The following ZFP30 variants were observed in gnomAD, a reference collection of about 807,000 sequenced individuals.
The protein encoded by ZFP30 is ZFP30 zinc finger protein.
Under a neutral mutation model 12.3 loss-of-function variants are expected in ZFP30, and 16 were observed. That is an observed-to-expected ratio of 1.30 (90% confidence interval 0.88 to 1.98). The LOEUF is 1.98. Among genes scored for constraint, ZFP30 ranks in the 30% most tolerant of loss-of-function variants. ZFP30 has a pLI of 0.00. For synonymous variants in ZFP30, 172 were observed against 201.0 expected (o/e 0.86, Z 1.22); for missense variants, 560 against 611.2 (o/e 0.92, Z 0.88).
At chr19:37,641,371 T>C (rs952334792) in intron 5 of ZFP30, among the ~76,000 whole-genome samples, 2 of 152,194 alleles carry the variant, frequency 1.3e-5, no homozygotes, top group Non-Finnish European at 1.5e-5. Flanking sequence ...CAAAGAATAG[T>C]TTAACCTTAT....
rs1003178458 is a variant in ZFP30, at chr19:37,631,223, A to G, written c.*3758T>C. ...CTGTTAAAATGGGTTCATATCCCAT[A>G]CTCACAAGCATTAAGAGTGAAAGTT... On this transcript the variant is annotated 3_prime_UTR_variant, in exon 6 of 6. Coordinates refer to ENST00000684514, the MANE Select transcript of ZFP30 (RefSeq NM_001320669.3). The G allele has an allele frequency of 6.6e-6, 1 of 152,328 alleles. No individual in the cohort carries two copies. The highest frequency in any genetic ancestry group is 1.9e-4 in the East Asian group (1 of 5,188). The allele number at this position is 152,328 out of a possible 1,614,324, so 9.4% of individuals were successfully genotyped here. A position where few individuals can be genotyped will look rare whatever the true frequency, so the allele number is the denominator to read the frequency against.
chr19:37,637,007 G>A lies in ZFP30; in HGVS notation c.236-702C>T, dbSNP rs528036707. On this transcript the variant is annotated intron_variant, in intron 5 of 5. Transcript: ENST00000684514. ...ATTACAGGCGTGAGCCACCACATCC[G>A]ACCCAATCTTTCCACTTTTTGGAGC... Among the ~76,000 whole-genome samples, 125 of 151,836 alleles carry A rather than the reference G, an allele frequency of 8.2e-4. 1 individual carries two copies. Among genetic ancestry groups the A allele is most frequent in the African/African-American group, 2.4e-3 (101 of 41,418 alleles).
At position 37,644,670 on chromosome 19, in the gene ZFP30, A is replaced by G; in HGVS notation, c.76T>C (p.Tyr26His). 6.2e-7 allele frequency: 1 copy of G among 1,613,466 alleles called. No homozygotes were observed. Among genetic ancestry groups the G allele is most frequent in the Admixed American group, 1.7e-5 (1 of 59,940 alleles). Residue 26 changes from tyrosine to histidine, a missense_variant, in exon 4 of 6, where the codon TAT becomes CAT. Tyr to His is a moderately conservative substitution (Grantham distance 83). Transcript: ENST00000684514. Reference sequence around the variant, plus strand: ...ACATCTCTGTACAAATTCCTCTGATATGAGTTCAGGCATTCCCATTCTTCC... The same window carrying G: ...ACATCTCTGTACAAATTCCTCTGATGTGAGTTCAGGCATTCCCATTCTTCC... Reference protein sequence around the residue: ...SQEEWECLNSYQRNLYRDVIL... With the variant: ...SQEEWECLNSHQRNLYRDVIL...
chr19:37,653,980 A>G (rs1307880169), intron 2 of ZFP30, among the ~76,000 whole-genome samples: 2 of 152,168 alleles, frequency 1.3e-5, no homozygotes, highest in African/African-American at 2.4e-5. Flanking sequence ...GAAATACACA[A>G]AGCTGATAGG....
intron 5 of ZFP30, among the ~76,000 whole-genome samples, chr19:37,637,911 T>G (rs760317939): frequency 6.6e-6 from 1 of 152,238 alleles, no homozygotes; most frequent in Non-Finnish European, 1.5e-5. Context: ...CACTCACCAG[T>G]GAATAGCAAA....
chr19:37,654,444 T>C (rs1377456634), intron 2 of ZFP30, among the ~76,000 whole-genome samples: 1 of 152,198 alleles, frequency 6.6e-6, no homozygotes, highest in Non-Finnish European at 1.5e-5. Context: ...AGCACGGGTA[T>C]TTCCATATCA....
Position 37,655,423 on chromosome 19 carries a change from A to C in ZFP30, c.-249T>G, listed in dbSNP as rs2044737854. 1 of 152,428 alleles carries C rather than the reference A, an allele frequency of 6.6e-6. No individual in the cohort carries two copies. The highest frequency in any genetic ancestry group is 1.9e-4 in the East Asian group (1 of 5,192). The allele number at this position is 152,428 out of a possible 1,614,324, so 9.4% of individuals were successfully genotyped here. ...CGGCTCCCAGCCCCAGCCTCACCCG[A>C]CTCAGAGGATAGCCCAGCCCTGGGA... On this transcript the variant is annotated 5_prime_UTR_variant, in exon 1 of 6. Coordinates refer to ENST00000684514, the MANE Select transcript of ZFP30 (RefSeq NM_001320669.3).
intron 2 of ZFP30, among the ~76,000 whole-genome samples, chr19:37,654,096 T>C (rs2044705473): frequency 6.6e-6 from 1 of 152,208 alleles, no homozygotes; most frequent in South Asian, 2.1e-4. Flanking sequence ...ATTCATGTAA[T>C]CTTCAAAACA....
At chr19:37,652,622 A>G (rs973862360) in intron 2 of ZFP30, among the ~76,000 whole-genome samples, 2 of 152,150 alleles carry the variant, frequency 1.3e-5, no homozygotes, top group African/African-American at 2.4e-5. Context: ...GACTTGTAGA[A>G]ATATTTTGGG....
chr19:37,643,270 G>T lies in ZFP30; in HGVS notation c.230C>A (p.Thr77Asn). The change falls in exon 5 of 6, where the codon ACT (threonine) becomes AAT (asparagine). Residue 77 changes from threonine to asparagine, a missense_variant. Transcript: ENST00000684514. ...TCTGCCTGATCAGCACTTACCTAGAGTCCATCTTCTTTTCTCATCCCTCAC... is the reference window on the plus strand; with the variant it reads ...TCTGCCTGATCAGCACTTACCTAGATTCCATCTTCTTTTCTCATCCCTCAC... ...MVVRDEKRRW[T>N]LDLESRYDTK... The T allele has an allele frequency of 1.2e-6, 2 of 1,611,184 alleles. No homozygotes were observed. Among genetic ancestry groups the T allele is most frequent in the Non-Finnish European group, 1.7e-6 (2 of 1,178,900 alleles).
intron 4 of ZFP30, 57 bp downstream of exon 4, chr19:37,644,553 C>A: frequency 1.8e-6 from 2 of 1,087,914 alleles, no homozygotes; most frequent in South Asian, 2.0e-5. Flanking sequence ...CAAAGACAGC[C>A]CAGAAATTCA....
At chr19:37,638,840 G>T (rs2044380388) in intron 5 of ZFP30, among the ~76,000 whole-genome samples, 1 of 152,152 alleles carries the variant, frequency 6.6e-6, no homozygotes, top group South Asian at 2.1e-4. Flanking sequence ...ATGACCGAAA[G>T]AAGTCAAGAG....
At chr19:37,640,839 C>T (rs1024231554) in intron 5 of ZFP30, among the ~76,000 whole-genome samples, 21 of 151,966 alleles carry the variant, frequency 1.4e-4, no homozygotes, top group Admixed American at 5.2e-4. Flanking sequence ...TAATGTCTCC[C>T]CCACCCCTTT....
At chr19:37,649,532 C>G (rs1402262244) in intron 2 of ZFP30, among the ~76,000 whole-genome samples, 2 of 152,186 alleles carry the variant, frequency 1.3e-5, no homozygotes, top group South Asian at 2.1e-4. Flanking sequence ...TGCATTCACA[C>G]AATGGAAAAT....
intron 3 of ZFP30, among the ~76,000 whole-genome samples, 197 bp from the exon 4 acceptor site, chr19:37,644,933 G>A (rs537683467): frequency 6.6e-5 from 10 of 152,106 alleles, no homozygotes; most frequent in East Asian, 3.9e-4. Flanking sequence ...AAAGGCCGGC[G>A]CGGTGGCTCA....
In ZFP30 at chr19:37,643,381, G is replaced by T; in HGVS notation, c.137-18C>A. 2.0e-6 allele frequency: 3 copies of T among 1,501,704 alleles called. No homozygotes were observed. Among genetic ancestry groups the T allele is most frequent in the Non-Finnish European group, 2.7e-6 (3 of 1,119,278 alleles). The allele number at this position is 1,501,704 out of a possible 1,614,324, so 93.0% of individuals were successfully genotyped here. A position where few individuals can be genotyped will look rare whatever the true frequency, so the allele number is the denominator to read the frequency against. On this transcript the variant is annotated intron_variant, in intron 4 of 5. Transcript: ENST00000684514. ...ACATCCTGCTTAAAAATAAATAATA[G>T]AATATAATAAAGAATTTATTTAAGG...
At chr19:37,648,961 G>A (rs1599630797) in intron 2 of ZFP30, among the ~76,000 whole-genome samples, 1 of 152,146 alleles carries the variant, frequency 6.6e-6, no homozygotes, top group Non-Finnish European at 1.5e-5. Flanking sequence ...AAATAGGCTG[G>A]GTGCAGTGGC....
rs2044309875 is a variant in ZFP30 at position 37,635,699 on chromosome 19, T to C, written c.842A>G (p.Gln281Arg). 1 of 1,612,136 alleles carries C rather than the reference T, an allele frequency of 6.2e-7. No homozygotes were observed. Among genetic ancestry groups the C allele is most frequent in the African/African-American group, 1.3e-5 (1 of 74,346 alleles). ...CTGATGTCGAGTAAGGTGTGCATACTGCCTAAAGGCCTTCCCACATTCTTT... is the reference window on the plus strand; with the variant it reads ...CTGATGTCGAGTAAGGTGTGCATACCGCCTAAAGGCCTTCCCACATTCTTT... ...ECKECGKAFR[Q>R]YAHLTRHQRL... Residue 281 changes from glutamine to arginine, a missense_variant, in exon 6 of 6, where the codon CAG (glutamine) becomes CGG (arginine). Physicochemically the swap from Gln to Arg is conservative, Grantham distance 43. Coordinates refer to ENST00000684514, the MANE Select transcript of ZFP30 (RefSeq NM_001320669.3).
chr19:37,633,943 C>G lies in ZFP30; in HGVS notation c.*1038G>C, dbSNP rs1181215798. ...TTTTACATAACCACAATGCTATTATCACACATAACAAAGTTTCTTAATATT... is the reference window on the plus strand; with the variant it reads ...TTTTACATAACCACAATGCTATTATGACACATAACAAAGTTTCTTAATATT... On this transcript the variant is annotated 3_prime_UTR_variant, in exon 6 of 6. Transcript: ENST00000684514. The G allele has an allele frequency of 6.6e-6, 1 of 152,120 alleles. No individual in the cohort carries two copies. Among genetic ancestry groups the G allele is most frequent in the Non-Finnish European group, 1.5e-5 (1 of 68,028 alleles). The allele number at this position is 152,120 out of a possible 1,614,324, so 9.4% of individuals were successfully genotyped here. A position where few individuals can be genotyped will look rare whatever the true frequency, so the allele number is the denominator to read the frequency against.
Sources: allele counts gnomAD v4.1 joint callset (sites outside exome capture counted in the v4.1 genomes callset), GRCh38; gene constraint gnomAD v4.1.1; transcripts MANE v1.5; gene names NCBI Gene and HGNC (gene_info 2026-07-23, HGNC 2026-07-21).